Variants in FAM149B1 observed in about 807,000 individuals in gnomAD.
FAM149B1 encodes family with sequence similarity 149 member B1.
FAM149B1 carries 56 observed loss-of-function variants against 75.3 expected under a neutral mutation model. The observed-to-expected ratio is 0.74, with a 90% confidence interval of 0.60 to 0.93. The LOEUF is 0.93. Ranked by LOEUF, FAM149B1 falls within the 40% of genes least tolerant of loss-of-function variation. FAM149B1 has a pLI of 0.00. For missense variants in FAM149B1, 639 were observed against 708.4 expected (o/e 0.90, Z 1.11); for synonymous variants, 259 against 256.1 (o/e 1.01, Z -0.11).
chr10:73,168,507 C>T, intron 1 of FAM149B1, 121 bp downstream of exon 1: 1 of 1,213,478 alleles, frequency 8.2e-7, no homozygotes, highest in Non-Finnish European at 1.1e-6. Context: ...CTTCGGAATT[C>T]TCTCCTCTCA....
chr10:73,169,459 C>CTTT (rs11452129), intron 1 of FAM149B1, among the ~76,000 whole-genome samples: 1 of 142,612 alleles, frequency 7.0e-6, no homozygotes. Context: ...AGGGCCTTCA[C>CTTT]TTTTTTTTTT....
chr10:73,200,095 G>A (rs1189758536), intron 5 of FAM149B1: 4 of 167,970 alleles, frequency 2.4e-5, no homozygotes, highest in Non-Finnish European at 5.2e-5. Flanking sequence ...TTGGGAGGCC[G>A]AGGCGGGTAG....
Position 73,201,101 on chromosome 10 carries a change from A to G in FAM149B1, c.542+7508A>G, listed in dbSNP as rs146149761. The G allele has an allele frequency of 1.2e-3, 327 of 278,542 alleles. 4 individuals are homozygous for G. The highest frequency in any genetic ancestry group is 6.8e-3 in the African/African-American group (300 of 44,388). The allele number at this position is 278,542 out of a possible 1,614,324, so 17.3% of individuals were successfully genotyped here. On this transcript the variant is annotated intron_variant, in intron 5 of 13. Coordinates refer to ENST00000242505, the MANE Select transcript of FAM149B1 (RefSeq NM_173348.2). ...ATTCGCAGAATTGGCAGAGGGGTCA[A>G]TTTGGTAGAAAAGGTGTGGCTAAAA...
At position 73,241,014 on chromosome 10, in the gene FAM149B1, C is replaced by T. The variant is rs748418113; in HGVS notation, c.1744C>T (p.Pro582Ser). Residue 582 changes from proline (P) to serine (S), a missense_variant, in exon 14 of 14, where the codon CCA (proline) becomes TCA (serine). Transcript: ENST00000242505. ...GRPVSRTRQG[P>S] is the part of the protein sequence containing the mutation. ...ACCAGTCTCTCGAACCAGGCAGGGA[C>T]CATAAGGCAAATGAGAAGAATCTAT... 2.0e-6 allele frequency: 3 copies of T among 1,530,038 alleles called. No homozygotes were observed. The South Asian group carries it at 3.6e-5, about 18-fold the overall frequency. The allele number at this position is 1,530,038 out of a possible 1,614,324, so 94.8% of individuals were successfully genotyped here.
At chr10:73,175,034 T>C (rs1242533809) in intron 2 of FAM149B1, among the ~76,000 whole-genome samples, 1 of 150,992 alleles carries the variant, frequency 6.6e-6, no homozygotes, top group East Asian at 2.0e-4. Flanking sequence ...GCCATGGGAT[T>C]AGAATGAAAA....
chr10:73,222,824 T>A (rs996873589), intron 7 of FAM149B1, among the ~76,000 whole-genome samples: 1 of 152,230 alleles, frequency 6.6e-6, no homozygotes. Flanking sequence ...CCAACATTTT[T>A]AAACTTTTTA....
At position 73,234,842 on chromosome 10, in the gene FAM149B1, TCTCC is replaced by T; in HGVS notation, c.1382_1385del (p.Pro461HisfsTer5). On this transcript the variant is annotated frameshift_variant, in exon 11 of 14. Transcript: ENST00000242505. LOFTEE classifies it high-confidence loss of function. ...CCCAGTGGCACCCGACTCGCTCTCC[TCTCC>T]CTCACCGACGCCCCTGAGTCGAAAT... The T allele has an allele frequency of 1.9e-6, 3 of 1,551,522 alleles. No individual in the cohort carries two copies. The highest frequency in any genetic ancestry group is 2.6e-6 in the Non-Finnish European group (3 of 1,146,996).
At chr10:73,234,058 G>C (rs978601577) in intron 10 of FAM149B1, 3 of 152,152 alleles carry the variant, frequency 2.0e-5, no homozygotes, top group African/African-American at 7.2e-5. Flanking sequence ...TTTAAACATA[G>C]AATTCTTTTA....
intron 8 of FAM149B1, among the ~76,000 whole-genome samples, chr10:73,229,423 A>G (rs2043632570): frequency 6.6e-6 from 1 of 152,234 alleles, no homozygotes; most frequent in Non-Finnish European, 1.5e-5. Context: ...AAAAATACAA[A>G]AACTAGCTGG....
At chr10:73,170,574 A>G (rs1347674656) in intron 1 of FAM149B1, among the ~76,000 whole-genome samples, 1 of 152,158 alleles carries the variant, frequency 6.6e-6, no homozygotes, top group Non-Finnish European at 1.5e-5. Context: ...TACATCCTCA[A>G]TAAATGGTAT....
At chr10:73,213,728 C>G (rs2043239779) in intron 7 of FAM149B1, among the ~76,000 whole-genome samples, 1 of 152,104 alleles carries the variant, frequency 6.6e-6, no homozygotes, top group Non-Finnish European at 1.5e-5. Context: ...TTACTATACC[C>G]TTGTATAATT....
intron 5 of FAM149B1, among the ~76,000 whole-genome samples, chr10:73,199,464 T>G (rs12265178): frequency 6.6e-6 from 1 of 151,874 alleles, no homozygotes. Context: ...TGGTCCACCC[T>G]CCTCAGCCTC....
At chr10:73,189,212 A>G (rs2042620315) in intron 3 of FAM149B1, among the ~76,000 whole-genome samples, 1 of 152,202 alleles carries the variant, frequency 6.6e-6, no homozygotes. Flanking sequence ...CACATTTACA[A>G]AAATTGCTAA....
At chr10:73,244,504 G>GAAAAAAAA (rs796100576), downstream of FAM149B1, 3 of 69,812 alleles carry the variant, frequency 4.3e-5, no homozygotes, top group East Asian at 4.0e-4. Context: ...AGAAAAAAGA[G>GAAAAAAAA]AAAAAAAAAA....
intron 1 of FAM149B1, among the ~76,000 whole-genome samples, chr10:73,173,851 T>G (rs1382520220): frequency 6.6e-6 from 1 of 152,198 alleles, no homozygotes; most frequent in Non-Finnish European, 1.5e-5. Context: ...CCAATATATT[T>G]ATTGAAAAAA....
At chr10:73,236,531 A>G (rs2043826498) in intron 12 of FAM149B1, among the ~76,000 whole-genome samples, 1 of 150,024 alleles carries the variant, frequency 6.7e-6, no homozygotes, top group East Asian at 2.0e-4. Flanking sequence ...CTCCTGCCTC[A>G]GCCTCCCGAA....
intron 7 of FAM149B1, among the ~76,000 whole-genome samples, chr10:73,223,519 A>T (rs1452343347): frequency 6.6e-6 from 1 of 152,184 alleles, no homozygotes; most frequent in East Asian, 1.9e-4. Context: ...TGATGAACTT[A>T]AGTACTAGAC....
intron 1 of FAM149B1, among the ~76,000 whole-genome samples, chr10:73,173,672 G>A (rs966783552): frequency 1.3e-5 from 2 of 152,178 alleles, no homozygotes; most frequent in African/African-American, 4.8e-5. Flanking sequence ...ATAGCCTACT[G>A]TTGACTGGAA....
chr10:73,185,366 T>C (rs1303413483), intron 3 of FAM149B1, among the ~76,000 whole-genome samples: 1 of 152,080 alleles, frequency 6.6e-6, no homozygotes, highest in Non-Finnish European at 1.5e-5. Context: ...CTGAGCAACA[T>C]AGTGAGACCC....
Sources: allele counts gnomAD v4.1 joint callset (sites outside exome capture counted in the v4.1 genomes callset), GRCh38; gene constraint gnomAD v4.1.1; transcripts MANE v1.5; gene names NCBI Gene and HGNC (gene_info 2026-07-23, HGNC 2026-07-21).